The following C2orf74 variants were observed in gnomAD, a reference collection of about 807,000 sequenced individuals.
C2orf74 encodes the protein uncharacterized protein C2orf74.
Under a neutral mutation model 17.9 loss-of-function variants are expected in C2orf74, and 14 were observed. The ratio of observed to expected loss-of-function variants is 0.78; its 90% CI spans 0.52 to 1.22. The LOEUF (loss-of-function observed/expected upper bound fraction) is 1.22, where lower values mean the gene tolerates loss of function less well. Ranked by LOEUF, C2orf74 falls within the 50% of genes most tolerant of loss-of-function variation. C2orf74 has a pLI of 0.00. For missense variants in C2orf74, 217 were observed against 218.4 expected, an observed-to-expected ratio of 0.99 and a Z score of 0.04; for synonymous variants, 79 against 72.6, an observed-to-expected ratio of 1.09 and a Z score of -0.44.
chr2:61,148,216 C>T (rs910993278), intron 1 of C2orf74, among the ~76,000 whole-genome samples: 3 of 149,086 alleles, frequency 2.0e-5, no homozygotes, highest in East Asian at 2.0e-4. Flanking sequence ...GATGGAGTTT[C>T]GCTCTTGTTG....
chr2:61,156,871 C>G (rs1685406883), intron 1 of C2orf74, among the ~76,000 whole-genome samples: 1 of 152,256 alleles, frequency 6.6e-6, no homozygotes. Flanking sequence ...CAAAGTGAGA[C>G]CCTGTCTCAA....
At chr2:61,153,045 G>T (rs1311395005) in intron 1 of C2orf74, among the ~76,000 whole-genome samples, 1 of 150,966 alleles carries the variant, frequency 6.6e-6, no homozygotes, top group East Asian at 2.0e-4. Context: ...CCAGCTACTC[G>T]GGAGGCTGAG....
At chr2:61,163,314 A>G (rs1027291127) in intron 4 of C2orf74, 82 bp downstream of exon 4, 11 of 1,417,150 alleles carry the variant, frequency 7.8e-6, no homozygotes, top group Non-Finnish European at 9.5e-6. Flanking sequence ...TAGGTATAAT[A>G]ATAGGAGATG....
At chr2:61,163,926 C>T (rs965825332) in intron 4 of C2orf74, among the ~76,000 whole-genome samples, 1 of 152,084 alleles carries the variant, frequency 6.6e-6, no homozygotes, top group Non-Finnish European at 1.5e-5. Context: ...TACCTCTCCA[C>T]TGTGGCCAAG....
At chr2:61,149,643 A>G (rs1022877047) in intron 1 of C2orf74, among the ~76,000 whole-genome samples, 146 of 145,802 alleles carry the variant, frequency 1.0e-3, no homozygotes, top group African/African-American at 3.6e-3. Context: ...CAGTGGCACA[A>G]TCTTGGCTCA....
chr2:61,163,346 C>T lies in C2orf74; in HGVS notation c.390+114C>T, dbSNP rs780986928. 59 of 1,142,084 alleles carry T rather than the reference C, an allele frequency of 5.2e-5. 1 individual carries two copies. The Middle Eastern group carries it at 1.8e-3, about 35-fold the overall frequency. The allele number at this position is 1,142,084 out of a possible 1,614,324, so 70.7% of individuals were successfully genotyped here. ...GATGGAGGACCGGGCGGGTGGCTCACGCCTGTAATCCCAGCATTTTGGGAG... is the reference window on the plus strand; with the variant it reads ...GATGGAGGACCGGGCGGGTGGCTCATGCCTGTAATCCCAGCATTTTGGGAG... On this transcript the variant is annotated intron_variant, in intron 4 of 4. Transcript: ENST00000432605.
chr2:61,152,851 C>CAA (rs11334583), intron 1 of C2orf74, among the ~76,000 whole-genome samples: 1 of 82,656 alleles, frequency 1.2e-5, no homozygotes, highest in African/African-American at 4.5e-5. Context: ...TCCATCTCAC[C>CAA]AAAAAAAAAA....
upstream of C2orf74, chr2:61,161,978 C>T (rs1420930086): frequency 2.0e-5 from 3 of 153,642 alleles, no homozygotes; most frequent in African/African-American, 4.8e-5. Context: ...AATCCTTGCT[C>T]AAAGAATGGT....
At chr2:61,149,539 G>T (rs1257605280) in intron 1 of C2orf74, among the ~76,000 whole-genome samples, 1 of 151,294 alleles carries the variant, frequency 6.6e-6, no homozygotes, top group Non-Finnish European at 1.5e-5. Context: ...TGGACTTTCT[G>T]GGCCAAGTTC....
intron 1 of C2orf74, among the ~76,000 whole-genome samples, chr2:61,151,068 A>G (rs1316006827): frequency 2.6e-5 from 4 of 152,234 alleles, no homozygotes; most frequent in African/African-American, 9.6e-5. Flanking sequence ...CTGTAATCCC[A>G]GCACTTTGGG....
rs190046848 is a variant in C2orf74, at chr2:61,146,365, A to G, written c.-122+1169A>G. On this transcript the variant is annotated intron_variant, in intron 1 of 3. Coordinates refer to the C2orf74 transcript ENST00000426997. ...CCTTATTTCCACATAAATTCTGGCA[A>G]TATACTCAAGAAACTAATAGTCATG... Among the ~76,000 whole-genome samples, 20 of 152,338 alleles carry G rather than the reference A, an allele frequency of 1.3e-4. No homozygotes were observed. In the East Asian group the frequency reaches 1.5e-3, roughly 12 times the overall value.
chr2:61,163,488 C>T (rs1417548668), intron 4 of C2orf74, among the ~76,000 whole-genome samples: 1 of 151,970 alleles, frequency 6.6e-6, no homozygotes, highest in Non-Finnish European at 1.5e-5. Context: ...CCTGTAATCC[C>T]AGCTACTTGG....
At chr2:61,150,044 C>T (rs1051543262) in intron 1 of C2orf74, among the ~76,000 whole-genome samples, 2 of 152,152 alleles carry the variant, frequency 1.3e-5, no homozygotes, top group African/African-American at 4.8e-5. Context: ...TTGCATAATA[C>T]TGGGTCTGCA....
Position 61,162,964 on chromosome 2 carries a change from G to A in C2orf74, c.209+9G>A, listed in dbSNP as rs943648547. 5.2e-6 allele frequency: 8 copies of A among 1,552,264 alleles called. No individual in the cohort carries two copies. Among genetic ancestry groups the A allele is most frequent in the Non-Finnish European group, 7.0e-6 (8 of 1,146,868 alleles). ...CCAGAGGACCATGAAAGGCGAGTGT[G>A]GTGCAGGATGTGGCAGAGGCCATTT... On this transcript the variant is annotated intron_variant, in intron 3 of 4. Transcript: ENST00000432605.
chr2:61,162,760 G>A (rs1246332922), intron 2 of C2orf74, 82 bp from the exon 3 acceptor site: 4 of 1,211,422 alleles, frequency 3.3e-6, no homozygotes, highest in Non-Finnish European at 4.8e-6. Flanking sequence ...CTGATATCCT[G>A]TTTAAACGTG....
chr2:61,163,582 CAGAG>C (rs1685639590), intron 4 of C2orf74, among the ~76,000 whole-genome samples: 1 of 150,824 alleles, frequency 6.6e-6, no homozygotes, highest in Admixed American at 6.6e-5. Context: ...AGCCTGGTGA[CAGAG>C]GGAGACTCCA....
chr2:61,162,431 A>G lies in C2orf74; in HGVS notation c.-84A>G. 1 of 1,019,842 alleles carries G rather than the reference A, an allele frequency of 9.8e-7. No individual in the cohort carries two copies. Among genetic ancestry groups the G allele is most frequent in the Non-Finnish European group, 1.5e-6 (1 of 685,530 alleles). The allele number at this position is 1,019,842 out of a possible 1,614,324, so 63.2% of individuals were successfully genotyped here. ...CTGTTTCTAGAAAACTTAAAGAACAAGAGAACTGCATTCAAATTGAGCTGG... is the reference window on the plus strand; with the variant it reads ...CTGTTTCTAGAAAACTTAAAGAACAGGAGAACTGCATTCAAATTGAGCTGG... On this transcript the variant is annotated 5_prime_UTR_variant, in exon 2 of 5. Coordinates refer to ENST00000432605, the MANE Select transcript of C2orf74 (RefSeq NM_001143959.4).
intron 4 of C2orf74, 108 bp downstream of exon 4, chr2:61,163,340 G>GA: frequency 8.2e-7 from 1 of 1,219,428 alleles, no homozygotes; most frequent in Non-Finnish European, 1.1e-6. Flanking sequence ...CCGGGCGGGT[G>GA]GCTCACGCCT....
At chr2:61,151,189 G>A (rs1391899773) in intron 1 of C2orf74, among the ~76,000 whole-genome samples, 4 of 151,302 alleles carry the variant, frequency 2.6e-5, no homozygotes, top group African/African-American at 9.7e-5. Context: ...GATGGCAGGT[G>A]CCTGTAATCC....
Sources: allele counts gnomAD v4.1 joint callset (sites outside exome capture counted in the v4.1 genomes callset), GRCh38; gene constraint gnomAD v4.1.1; transcripts MANE v1.5; gene names NCBI Gene and HGNC (gene_info 2026-07-23, HGNC 2026-07-21).